Variants in PCDH11X observed in about 807,000 individuals in gnomAD.
PCDH11X encodes the protein protocadherin-11 X-linked.
PCDH11X carries 18 observed loss-of-function variants against 53.3 expected under a neutral mutation model. That is an observed-to-expected ratio of 0.34 (90% CI 0.23 to 0.50). The LOEUF is 0.50. Among genes scored for constraint, PCDH11X ranks in the 20% least tolerant of loss-of-function variants. PCDH11X has a pLI of 0.98. For synonymous variants in PCDH11X, 279 were observed against 393.3 expected (o/e 0.71, Z 3.44); for missense variants, 570 against 1,032.4 (o/e 0.55, Z 6.14).
At chrX:92,503,456 CAA>C (rs2073995869) in intron 10 of PCDH11X, among the ~76,000 whole-genome samples, 1 of 107,766 alleles carries the variant, frequency 9.3e-6, no homozygotes, top group Non-Finnish European at 1.9e-5. Flanking sequence ...TTTGCAATAG[CAA>C]AGTCATAGAA....
At chrX:92,173,988 A>C (rs1603107470) in intron 6 of PCDH11X, among the ~76,000 whole-genome samples, 2 of 79,517 alleles carry the variant, frequency 2.5e-5, no homozygotes, top group Admixed American at 1.3e-4. Context: ...CAGTCTCAAA[A>C]AAAAAAAAAA....
intron 10 of PCDH11X, among the ~76,000 whole-genome samples, chrX:92,477,220 A>T (rs2073406395): frequency 1.0e-5 from 1 of 96,377 alleles, no homozygotes; most frequent in Admixed American, 1.2e-4. Flanking sequence ...GTATGTCCAG[A>T]TGTGCCATCC....
intron 6 of PCDH11X, among the ~76,000 whole-genome samples, chrX:92,092,574 C>T (rs1253205789): frequency 2.7e-5 from 3 of 111,108 alleles, no homozygotes; most frequent in Non-Finnish European, 5.7e-5. Context: ...GAAGCAAAAG[C>T]AGGATGACTC....
intron 6 of PCDH11X, among the ~76,000 whole-genome samples, chrX:91,981,863 T>C (rs1392506308): frequency 1.3e-4 from 14 of 105,255 alleles, no homozygotes; most frequent in Admixed American, 4.2e-4. Context: ...AAGGGGAGGA[T>C]CTAATTCCAC....
At chrX:92,346,884 C>T (rs1237663056) in intron 8 of PCDH11X, among the ~76,000 whole-genome samples, 1 of 110,754 alleles carries the variant, frequency 9.0e-6, no homozygotes, top group African/African-American at 3.3e-5. Context: ...CATATTTTTC[C>T]CTAGAAAATG....
intron 9 of PCDH11X, among the ~76,000 whole-genome samples, chrX:92,457,522 A>G (rs904319059): frequency 2.7e-5 from 3 of 109,657 alleles, no homozygotes; most frequent in Non-Finnish European, 3.8e-5. Context: ...GATTATGAAA[A>G]CATATTTATA....
intron 10 of PCDH11X, among the ~76,000 whole-genome samples, chrX:92,487,738 GT>G (rs750934500): frequency 9.0e-6 from 1 of 110,744 alleles, no homozygotes; most frequent in African/African-American, 3.3e-5. Context: ...TATAGAAAGG[GT>G]TTTCACCTCT....
chrX:91,795,661 C>T (rs1033873562), intron 1 of PCDH11X, among the ~76,000 whole-genome samples: 10 of 110,640 alleles, frequency 9.0e-5, no homozygotes, highest in East Asian at 2.8e-4. Flanking sequence ...ATGTTAGGGA[C>T]GTCTCCTACA....
At chrX:92,353,440 T>C (rs931469124) in intron 8 of PCDH11X, among the ~76,000 whole-genome samples, 1 of 110,857 alleles carries the variant, frequency 9.0e-6, no homozygotes, top group Non-Finnish European at 1.9e-5. Context: ...GAACTAAAAT[T>C]ACTTCTAATT....
intron 8 of PCDH11X, among the ~76,000 whole-genome samples, chrX:92,373,624 A>C (rs2070675961): frequency 8.9e-6 from 1 of 111,937 alleles, no homozygotes; most frequent in Non-Finnish European, 1.9e-5. Flanking sequence ...ATAACTCTTA[A>C]AAGGATGCTT....
chrX:92,564,291 C>T (rs1260851575), intron 10 of PCDH11X, among the ~76,000 whole-genome samples: 1 of 105,418 alleles, frequency 9.5e-6, no homozygotes, highest in Non-Finnish European at 2.0e-5. Context: ...TATGGTTTAT[C>T]AAAAGACCTA....
At chrX:92,497,001 G>A (rs2073871552) in intron 10 of PCDH11X, among the ~76,000 whole-genome samples, 1 of 111,725 alleles carries the variant, frequency 9.0e-6, no homozygotes, top group Admixed American at 9.6e-5. Context: ...AAGAAAAGCA[G>A]AGTTGGGCAA....
intron 4 of PCDH11X, among the ~76,000 whole-genome samples, chrX:91,823,899 G>C (rs1481370798): frequency 9.1e-6 from 1 of 110,467 alleles, no homozygotes; most frequent in Admixed American, 9.7e-5. Flanking sequence ...GCATTTGCTT[G>C]TCTGTAAAGT....
At chrX:92,176,136 C>T (rs767405409) in intron 6 of PCDH11X, among the ~76,000 whole-genome samples, 3 of 111,321 alleles carry the variant, frequency 2.7e-5, no homozygotes, top group South Asian at 7.6e-4. Context: ...ACATATGGTG[C>T]ATCATTGGAA....
intron 4 of PCDH11X, chrX:91,834,603 A>G (rs1166087308): frequency 2.7e-5 from 3 of 110,270 alleles, no homozygotes; most frequent in Middle Eastern, 4.3e-3. Flanking sequence ...CTCCCATTGA[A>G]TGTTTGGACG....
At chrX:91,933,835 G>C (rs1228280343) in intron 6 of PCDH11X, among the ~76,000 whole-genome samples, 2 of 110,518 alleles carry the variant, frequency 1.8e-5, no homozygotes, top group Non-Finnish European at 3.8e-5. Context: ...TTTGCAATTA[G>C]TGTTTAATTC....
At chrX:92,271,722 G>A (rs188249103) in intron 8 of PCDH11X, among the ~76,000 whole-genome samples, 40 of 111,962 alleles carry the variant, frequency 3.6e-4, no homozygotes, top group South Asian at 7.4e-4. Context: ...ATATTTTGGC[G>A]TGGAATATCC....
intron 10 of PCDH11X, among the ~76,000 whole-genome samples, chrX:92,485,706 A>G (rs1300361779): frequency 8.9e-6 from 1 of 111,831 alleles, no homozygotes; most frequent in Admixed American, 9.5e-5. Flanking sequence ...AATTGAAAAT[A>G]TGTAAAAAGT....
At chrX:92,525,309 C>T (rs1374066558) in intron 10 of PCDH11X, among the ~76,000 whole-genome samples, 2 of 111,177 alleles carry the variant, frequency 1.8e-5, no homozygotes, top group East Asian at 5.7e-4. Context: ...AGTGATACTG[C>T]ATGAAATTAC....
Sources: gnomAD v4.1 joint callset for allele counts (sites outside exome capture counted in the v4.1 genomes callset) on GRCh38, gnomAD v4.1.1 for gene constraint, MANE v1.5 for transcripts, NCBI Gene and HGNC (gene_info 2026-07-23, HGNC 2026-07-21) for gene names.